Variants in ADGB observed in about 807,000 individuals in gnomAD.
ADGB encodes calpain-7-like protein.
ADGB carries 172 observed loss-of-function variants against 210.5 expected under a neutral mutation model. The observed-to-expected ratio is 0.82, with a 90% confidence interval of 0.72 to 0.93. ADGB has a LOEUF of 0.93. ADGB is among the 40% of genes least tolerant of loss of function. The pLI, the probability that ADGB is intolerant of heterozygous loss-of-function variation, is 0.00. For synonymous variants in ADGB, 658 were observed against 662.7 expected (o/e 0.99, Z 0.11); for missense variants, 2,025 against 1,964.8 (o/e 1.03, Z -0.58).
chr6:146,668,144 C>T (rs1179809745), intron 7 of ADGB, among the ~76,000 whole-genome samples: 2 of 152,082 alleles, frequency 1.3e-5, no homozygotes, highest in East Asian at 1.9e-4. Flanking sequence ...TTACCATTGA[C>T]ATTTGGAAAC....
At chr6:146,795,035 G>A (rs956454728) in intron 33 of ADGB, among the ~76,000 whole-genome samples, 1 of 152,116 alleles carries the variant, frequency 6.6e-6, no homozygotes, top group Non-Finnish European at 1.5e-5. Context: ...TGACCCATTG[G>A]TGACCCCAAG....
In ADGB at chr6:146,734,039, G is replaced by C; in HGVS notation, c.2794+9G>C. On this transcript the variant is annotated intron_variant, in intron 22 of 35. Coordinates refer to ENST00000397944, the MANE Select transcript of ADGB (RefSeq NM_024694.4). ...GAAAGCCAGAATACCAGGTATGATT[G>C]TCCAAACATTTATAAAATGAACTTG... 1 of 1,546,944 alleles carries C rather than the reference G, an allele frequency of 6.5e-7. No homozygotes were observed. The highest frequency in any genetic ancestry group is 8.7e-7 in the Non-Finnish European group (1 of 1,145,342).
intron 9 of ADGB, 143 bp downstream of exon 9, chr6:146,676,584 A>G: frequency 1.3e-6 from 1 of 777,198 alleles, no homozygotes. Context: ...GGGTTCTCAG[A>G]TGGGTGGGCG....
At chr6:146,602,099 A>G (rs1223984770) in intron 1 of ADGB, among the ~76,000 whole-genome samples, 2 of 152,208 alleles carry the variant, frequency 1.3e-5, no homozygotes, top group Non-Finnish European at 2.9e-5. Flanking sequence ...ACATTAGATT[A>G]AACAATTTCT....
chr6:146,782,007 T>TA lies in ADGB; in HGVS notation c.3863-12dup. Reference sequence around the variant, plus strand: ...ATTATGACTCACCATTTTTTATTTTTATGTCTCTCTAGCTTATGGTGAAAG... The same window carrying TA: ...ATTATGACTCACCATTTTTTATTTTTAATGTCTCTCTAGCTTATGGTGAAAG... On this transcript the variant is annotated splice_polypyrimidine_tract_variant and intron_variant, in intron 29 of 35. Coordinates refer to ENST00000397944, the MANE Select transcript of ADGB (RefSeq NM_024694.4). 1.4e-6 allele frequency: 2 copies of TA among 1,439,152 alleles called. No homozygotes were observed. Among genetic ancestry groups the TA allele is most frequent in the Non-Finnish European group, 1.8e-6 (2 of 1,098,596 alleles). 89.1% of individuals were successfully genotyped at this position (1,439,152 alleles called of 1,614,324 possible). A position where few individuals can be genotyped will look rare whatever the true frequency, so the allele number is the denominator to read the frequency against.
intron 30 of ADGB, among the ~76,000 whole-genome samples, chr6:146,783,259 G>A (rs1462574545): frequency 6.6e-6 from 1 of 152,132 alleles, no homozygotes; most frequent in Admixed American, 6.5e-5. Context: ...TGAGTAGGAT[G>A]TCAGTACCAT....
At chr6:146,786,039 G>A (rs1335636935) in intron 32 of ADGB, among the ~76,000 whole-genome samples, 1 of 150,852 alleles carries the variant, frequency 6.6e-6, no homozygotes, top group African/African-American at 2.4e-5. Flanking sequence ...AAAACTTGAA[G>A]GTAGGTCTAC....
chr6:146,792,601 G>T (rs915708239), intron 33 of ADGB, among the ~76,000 whole-genome samples: 13 of 151,658 alleles, frequency 8.6e-5, no homozygotes, highest in African/African-American at 2.9e-4. Context: ...GGAAGCTCAA[G>T]CCCCAGTTTC....
At chr6:146,673,941 T>C (rs1161481297) in intron 8 of ADGB, among the ~76,000 whole-genome samples, 2 of 152,148 alleles carry the variant, frequency 1.3e-5, no homozygotes, top group Non-Finnish European at 2.9e-5. Context: ...GACTGAGTCC[T>C]GAAGAAGTGG....
intron 5 of ADGB, among the ~76,000 whole-genome samples, chr6:146,662,185 G>A (rs1775870292): frequency 6.6e-6 from 1 of 152,068 alleles, no homozygotes; most frequent in African/African-American, 2.4e-5. Flanking sequence ...GACAATTTGG[G>A]AGAGTTTTCA....
At chr6:146,796,159 A>G (rs1778037552) in intron 33 of ADGB, among the ~76,000 whole-genome samples, 1 of 152,186 alleles carries the variant, frequency 6.6e-6, no homozygotes, top group Non-Finnish European at 1.5e-5. Flanking sequence ...GAGCTCTAAA[A>G]GGAAAACTAT....
At chr6:146,599,397 C>CA (rs991742582) in intron 1 of ADGB, among the ~76,000 whole-genome samples, 8 of 152,166 alleles carry the variant, frequency 5.3e-5, no homozygotes, top group Non-Finnish European at 1.0e-4. Flanking sequence ...ATAGCCCTCT[C>CA]AGGCAGTTAG....
chr6:146,733,396 G>T, intron 21 of ADGB, 141 bp downstream of exon 21: 1 of 807,042 alleles, frequency 1.2e-6, no homozygotes, highest in Non-Finnish European at 1.8e-6. Context: ...AAGAGCTCAA[G>T]GGGCTCCAAG....
intron 2 of ADGB, among the ~76,000 whole-genome samples, chr6:146,640,517 A>G (rs1359388848): frequency 6.6e-6 from 1 of 152,096 alleles, no homozygotes; most frequent in African/African-American, 2.4e-5. Flanking sequence ...CCTCAACAAG[A>G]TACTTGCAAA....
chr6:146,810,281 C>T (rs551298677), intron 35 of ADGB, among the ~76,000 whole-genome samples: 39 of 152,200 alleles, frequency 2.6e-4, no homozygotes, highest in African/African-American at 7.0e-4. Flanking sequence ...GTTAAGATGG[C>T]TTTTATCATA....
intron 1 of ADGB, among the ~76,000 whole-genome samples, chr6:146,634,115 T>G (rs554851358): frequency 9.2e-5 from 14 of 152,110 alleles, no homozygotes; most frequent in Non-Finnish European, 1.8e-4. Flanking sequence ...GATACACAGG[T>G]GCTTACCATT....
intron 23 of ADGB, among the ~76,000 whole-genome samples, chr6:146,737,018 A>G (rs1158842233): frequency 4.6e-5 from 7 of 152,066 alleles, no homozygotes; most frequent in Non-Finnish European, 1.0e-4. Context: ...CCAACAGTCA[A>G]GCTAACCTGA....
Position 146,784,719 on chromosome 6 carries a change from G to A in ADGB, c.4137G>A (p.Lys1379=). ...AATCAGAATTATTTGAAGTGAAAAA[G>A]GATACAGAAAGGGCAGATGAAATCC... The part of the protein sequence containing the change: ...HNESELFEVK[K]DTERADEIRA... The change falls in exon 31 of 36, where the codon AAG becomes AAA. Residue 1379 remains lysine, a synonymous_variant. Transcript: ENST00000397944. 2 of 1,551,156 alleles carry A rather than the reference G, an allele frequency of 1.3e-6. No homozygotes were observed. Among genetic ancestry groups the A allele is most frequent in the Non-Finnish European group, 1.7e-6 (2 of 1,146,722 alleles).
intron 1 of ADGB, among the ~76,000 whole-genome samples, chr6:146,628,830 C>T (rs1413380088): frequency 6.6e-6 from 1 of 152,088 alleles, no homozygotes; most frequent in Non-Finnish European, 1.5e-5. Flanking sequence ...TCCATCTCTG[C>T]ACACATCATT....
Sources: gnomAD v4.1 joint callset for allele counts (sites outside exome capture counted in the v4.1 genomes callset) on GRCh38, gnomAD v4.1.1 for gene constraint, MANE v1.5 for transcripts, NCBI Gene and HGNC (gene_info 2026-07-23, HGNC 2026-07-21) for gene names.